C19orf47: variants seen among roughly 807,000 people sequenced by gnomAD.
The protein encoded by C19orf47 is chromosome 19 open reading frame 47.
In C19orf47, 18 loss-of-function variants were observed where a neutral mutation model predicts 32.3. The ratio of observed to expected loss-of-function variants is 0.56; its 90% confidence interval spans 0.39 to 0.83. The LOEUF (loss-of-function observed/expected upper bound fraction) is 0.83, where lower values mean the gene tolerates loss of function less well. Ranked by LOEUF, C19orf47 falls within the 40% of genes least tolerant of loss-of-function variation. The pLI, the probability that C19orf47 is intolerant of heterozygous loss-of-function variation, is 0.00. For missense variants in C19orf47, 484 were observed against 531.6 expected, an observed-to-expected ratio of 0.91 and a Z score of 0.88; for synonymous variants, 202 against 211.1, an observed-to-expected ratio of 0.96 and a Z score of 0.37.
intron 1 of C19orf47, among the ~76,000 whole-genome samples, chr19:40,346,018 T>C (rs935913476): frequency 4.6e-5 from 7 of 151,302 alleles, no homozygotes; most frequent in Non-Finnish European, 8.8e-5. Flanking sequence ...TAGCTGGGCA[T>C]GGTGGCAGGC....
chr19:40,346,380 T>A (rs2078278547), intron 1 of C19orf47, among the ~76,000 whole-genome samples: 1 of 144,374 alleles, frequency 6.9e-6, no homozygotes, highest in Middle Eastern at 3.4e-3. Context: ...GAGGCAGAGG[T>A]TGCAGTGATC....
At chr19:40,311,901 C>A in the C19orf47 span, among the ~76,000 whole-genome samples, 1 of 152,286 alleles carries the variant, frequency 6.6e-6, no homozygotes, top group East Asian at 1.9e-4. Context: ...AAGTGATCCA[C>A]CTGCTTTGGC....
rs752679855 is a variant in C19orf47, at chr19:40,320,909, CCT to C, written c.*971_*972del. Reference sequence around the variant, plus strand: ...AATGGTGACTGTGGCCATTACTCCCCCTGACTCAGGGCTTGCAGCAGGGACAT... The same window carrying C: ...AATGGTGACTGTGGCCATTACTCCCCGACTCAGGGCTTGCAGCAGGGACAT... On this transcript the variant is annotated 3_prime_UTR_variant, in exon 9 of 9. Transcript: ENST00000683109. 3.9e-5 allele frequency: 6 copies of C among 153,424 alleles called. No individual in the cohort carries two copies. The highest frequency in any genetic ancestry group is 6.5e-5 in the Admixed American group (1 of 15,280). 9.5% of individuals were successfully genotyped at this position (153,424 alleles called of 1,614,324 possible).
the C19orf47 span, among the ~76,000 whole-genome samples, chr19:40,306,059 G>A: frequency 6.7e-6 from 1 of 149,130 alleles, no homozygotes; most frequent in East Asian, 2.0e-4. Context: ...GCTGAGGCAG[G>A]AGAATCGCTT....
Position 40,322,380 on chromosome 19 carries a change from TG to T in C19orf47, c.664-5del. 1.3e-6 allele frequency: 2 copies of T among 1,569,106 alleles called. No homozygotes were observed. Reference sequence around the variant, plus strand: ...GGCGGCTGAAGACTCCTGTGGGCTGTGGAGGTCAGAGACAGGATGAATGAGT... The same window carrying T: ...GGCGGCTGAAGACTCCTGTGGGCTGTGAGGTCAGAGACAGGATGAATGAGT... On this transcript the variant is annotated splice_region_variant and splice_polypyrimidine_tract_variant and intron_variant, in intron 8 of 8. Coordinates refer to ENST00000683109, the MANE Select transcript of C19orf47 (RefSeq NM_001256441.2).
At chr19:40,331,589 G>C (rs1568614555) in intron 5 of C19orf47, among the ~76,000 whole-genome samples, 2 of 151,816 alleles carry the variant, frequency 1.3e-5, no homozygotes, top group Non-Finnish European at 2.9e-5. Flanking sequence ...AGTGAGCTAT[G>C]ACTGCACCAC....
the C19orf47 span, among the ~76,000 whole-genome samples, chr19:40,303,014 G>T: frequency 2.9e-3 from 435 of 152,266 alleles, 3 homozygotes; most frequent in African/African-American, 0.01. Flanking sequence ...GCCGGGGTGG[G>T]AAGACCACCT....
rs564972635 is a variant in C19orf47 at position 40,326,472 on chromosome 19, G to C, written c.454C>G (p.Arg152Gly). The change falls in exon 7 of 9, where the codon CGG (arginine) becomes GGG (glycine). Residue 152 changes from arginine (R) to glycine (G), a missense_variant. This residue lies in a region of C19orf47 where 376 missense variants were observed against 370.2 expected (regional missense o/e 1.02). Coordinates refer to ENST00000683109, the MANE Select transcript of C19orf47 (RefSeq NM_001256441.2). Reference sequence around the variant, plus strand: ...GGAACAGCCAGGCTCTCCTCCTCCCGGCGGGCCAGGGCTGCTGGGGGAAGA... The same window carrying C: ...GGAACAGCCAGGCTCTCCTCCTCCCCGCGGGCCAGGGCTGCTGGGGGAAGA... ...SAKATAALAR[R>G]EEESLAVPAK... 1 of 1,613,448 alleles carries C rather than the reference G, an allele frequency of 6.2e-7. No homozygotes were observed. The highest frequency in any genetic ancestry group is 1.1e-5 in the South Asian group (1 of 91,068).
Position 40,348,310 on chromosome 19 carries a change from G to A in C19orf47, c.-34+14C>T. On this transcript the variant is annotated intron_variant, in intron 1 of 8. Transcript: ENST00000683109. ...CAACCGGCCCAGTCCCACCACCCCC[G>A]GCCCGCGCCTCACCTGGCCCACCGG... is the stretch of plus-strand genomic sequence containing the variant. 8.1e-7 allele frequency: 1 copy of A among 1,241,680 alleles called. No homozygotes were observed. The highest frequency in any genetic ancestry group is 1.0e-6 in the Non-Finnish European group (1 of 985,840). The allele number at this position is 1,241,680 out of a possible 1,614,324, so 76.9% of individuals were successfully genotyped here.
intron 6 of C19orf47, among the ~76,000 whole-genome samples, 197 bp from the exon 7 acceptor site, chr19:40,326,683 A>G (rs2077838114): frequency 6.6e-6 from 1 of 152,116 alleles, no homozygotes; most frequent in Admixed American, 6.5e-5. Flanking sequence ...AGGTGCTCAG[A>G]ATCCCCAGGC....
rs398034615 is a variant in C19orf47, at chr19:40,330,540, CTTTTTTT to C, written c.302-1997_302-1991del. Among the ~76,000 whole-genome samples, 3 of 64,598 alleles carry C rather than the reference CTTTTTTT, an allele frequency of 4.6e-5. 1 individual carries two copies. The Admixed American group carries it at 7.4e-4, about 16-fold the overall frequency. The allele number at this position is 64,598 out of a possible 152,430, so 42.4% of individuals were successfully genotyped here. ...GGCGTGAGCCACCATACCCGGCCCT[CTTTTTTT>C]TTTTTTTTTTTTTTTTTGAGACAGG... On this transcript the variant is annotated intron_variant, in intron 5 of 8. Transcript: ENST00000683109.
chr19:40,299,829 C>T, the C19orf47 span, among the ~76,000 whole-genome samples: 1 of 151,958 alleles, frequency 6.6e-6, no homozygotes, highest in Non-Finnish European at 1.5e-5. Flanking sequence ...AGTTTAAGAC[C>T]AGCCTGGCCG....
the C19orf47 span, among the ~76,000 whole-genome samples, chr19:40,312,261 T>C: frequency 6.6e-6 from 1 of 151,864 alleles, no homozygotes; most frequent in Non-Finnish European, 1.5e-5. Flanking sequence ...GAAAAGGCCA[T>C]ACAGGGCTGG....
At chr19:40,319,326 G>A (rs913475358), downstream of C19orf47, among the ~76,000 whole-genome samples, 1 of 11,912 alleles carries the variant, frequency 8.4e-5, no homozygotes, top group African/African-American at 5.4e-4. Context: ...TAAATTTCAC[G>A]AGGTATATTT....
chr19:40,314,672 C>CTATGTAAA (rs2077650639), downstream of C19orf47, among the ~76,000 whole-genome samples: 1 of 152,194 alleles, frequency 6.6e-6, no homozygotes, highest in Non-Finnish European at 1.5e-5. Flanking sequence ...ATGTAAATCC[C>CTATGTAAA]TTGCCCCCAA....
At chr19:40,315,415 G>T (rs1279936747), downstream of C19orf47, among the ~76,000 whole-genome samples, 1 of 152,128 alleles carries the variant, frequency 6.6e-6, no homozygotes, top group Non-Finnish European at 1.5e-5. Flanking sequence ...GGAGGCTGAG[G>T]TGAGTACATC....
At chr19:40,345,793 G>A (rs1425186255) in intron 1 of C19orf47, among the ~76,000 whole-genome samples, 2 of 143,136 alleles carry the variant, frequency 1.4e-5, no homozygotes, top group Non-Finnish European at 3.0e-5. Flanking sequence ...AGGTTGCAGT[G>A]AGCCAAGATT....
intron 5 of C19orf47, among the ~76,000 whole-genome samples, chr19:40,329,560 A>C (rs1051796000): frequency 1.3e-5 from 2 of 152,106 alleles, no homozygotes; most frequent in African/African-American, 4.8e-5. Flanking sequence ...AGAACATTTA[A>C]TAAAACGTGA....
rs115351316 is a variant in C19orf47, at chr19:40,335,981, G to A, written c.222+129C>T. ...TGGGCAATGTGCCCAGCGTCACACA[G>A]CAAATGGCTGAACCAGCCCTGGAAC... On this transcript the variant is annotated intron_variant, in intron 4 of 8. Coordinates refer to ENST00000683109, the MANE Select transcript of C19orf47 (RefSeq NM_001256441.2). The A allele has an allele frequency of 5.1e-3, 3,800 of 747,520 alleles. 113 individuals carry two copies. The African/African-American group carries it at 0.058, about 11-fold the overall frequency. The allele number at this position is 747,520 out of a possible 1,614,324, so 46.3% of individuals were successfully genotyped here.
Sources: allele counts gnomAD v4.1 joint callset (sites outside exome capture counted in the v4.1 genomes callset), GRCh38; gene constraint gnomAD v4.1.1; regional missense constraint gnomAD v4.1.1; transcripts MANE v1.5; gene names NCBI Gene and HGNC (gene_info 2026-07-23, HGNC 2026-07-21).